Variants in NINL observed in about 807,000 individuals in gnomAD.
The protein encoded by NINL is ninein-like protein.
NINL carries 153 observed loss-of-function variants against 160.3 expected under a neutral mutation model. That is an observed-to-expected ratio of 0.95 (90% CI 0.84 to 1.09). The LOEUF (loss-of-function observed/expected upper bound fraction) is 1.09. NINL is among the 50% of genes least tolerant of loss of function. The probability of loss-of-function intolerance (pLI) is 0.00; values close to 1 mark genes in which losing one functional copy is unlikely to be tolerated. For missense variants in NINL, 1,829 were observed against 1,764.0 expected, an observed-to-expected ratio of 1.04 and a Z score of -0.66; for synonymous variants, 800 against 734.8, an observed-to-expected ratio of 1.09 and a Z score of -1.43.
chr20:25,563,096 G>A (rs1235945929), intron 1 of NINL, among the ~76,000 whole-genome samples: 5 of 152,228 alleles, frequency 3.3e-5, no homozygotes, highest in African/African-American at 9.7e-5. Flanking sequence ...AACCTGGGAG[G>A]TGGAGCTTGG....
Position 25,575,560 on chromosome 20 carries a change from G to A in NINL, c.-12+9895C>T, listed in dbSNP as rs569008401. 2.6e-5 allele frequency among the ~76,000 whole-genome samples: 4 copies of A among 151,580 alleles called. No individual in the cohort carries two copies. In the East Asian group the frequency reaches 7.7e-4, roughly 29 times the overall value. ...GAGGTCAGGAATTCGAGACCAGCTCGGCCAACATGGTGAAACCCCGTCTCT... is the reference window on the plus strand; with the variant it reads ...GAGGTCAGGAATTCGAGACCAGCTCAGCCAACATGGTGAAACCCCGTCTCT... On this transcript the variant is annotated intron_variant, in intron 1 of 23. Coordinates refer to ENST00000278886, the MANE Select transcript of NINL (RefSeq NM_025176.6).
At chr20:25,569,096 T>G (rs2065026372) in intron 1 of NINL, among the ~76,000 whole-genome samples, 2 of 151,734 alleles carry the variant, frequency 1.3e-5, no homozygotes, top group Admixed American at 1.3e-4. Flanking sequence ...GGCATGGTGA[T>G]GCATGCCTGT....
At chr20:25,549,831 A>G (rs2064785235) in intron 1 of NINL, among the ~76,000 whole-genome samples, 1 of 152,222 alleles carries the variant, frequency 6.6e-6, no homozygotes, top group Non-Finnish European at 1.5e-5. Flanking sequence ...CACACAGGAA[A>G]AGTCAAAAGT....
intron 2 of NINL, among the ~76,000 whole-genome samples, chr20:25,524,329 C>T (rs113816925): frequency 1.7e-4 from 26 of 152,300 alleles, no homozygotes; most frequent in African/African-American, 5.5e-4. Flanking sequence ...AGAGCAGAGT[C>T]GAGAGCACTA....
At chr20:25,473,444 T>A (rs191714594) in intron 17 of NINL, among the ~76,000 whole-genome samples, 3 of 149,648 alleles carry the variant, frequency 2.0e-5, no homozygotes, top group African/African-American at 7.4e-5. Context: ...AGTGAGAGAC[T>A]ATCTCTACAA....
chr20:25,480,075 T>C (rs2063354475), intron 15 of NINL, 86 bp downstream of exon 15: 1 of 922,350 alleles, frequency 1.1e-6, no homozygotes, highest in Non-Finnish European at 1.8e-6. Context: ...GGCAGACGCA[T>C]GTGGAAATGT....
intron 1 of NINL, among the ~76,000 whole-genome samples, chr20:25,579,448 C>T (rs1208072103): frequency 6.6e-6 from 1 of 152,210 alleles, no homozygotes; most frequent in Admixed American, 6.5e-5. Flanking sequence ...TTCTGGCAGC[C>T]ACAACCAGTG....
At chr20:25,464,122 C>T (rs1207020241) in intron 19 of NINL, among the ~76,000 whole-genome samples, 4 of 152,136 alleles carry the variant, frequency 2.6e-5, no homozygotes, top group African/African-American at 9.7e-5. Flanking sequence ...AACATTTAAA[C>T]TCTTCATTTG....
chr20:25,478,658 G>C (rs572905992), intron 16 of NINL, among the ~76,000 whole-genome samples: 1 of 152,280 alleles, frequency 6.6e-6, no homozygotes, highest in East Asian at 1.9e-4. Context: ...GTTGCTGCCG[G>C]GCACGGCTGA....
At chr20:25,573,935 G>C (rs1406642891) in intron 1 of NINL, among the ~76,000 whole-genome samples, 2 of 152,116 alleles carry the variant, frequency 1.3e-5, no homozygotes, top group Admixed American at 6.5e-5. Flanking sequence ...ACCTGTTCCT[G>C]GTGGTCAGGA....
At chr20:25,570,694 CTTTTTTT>C (rs57981279) in intron 1 of NINL, among the ~76,000 whole-genome samples, 1 of 91,014 alleles carries the variant, frequency 1.1e-5, no homozygotes. Context: ...GGCAAGTAGA[CTTTTTTT>C]TTTTTTTTTT....
At chr20:25,574,876 G>A (rs1160256294) in intron 1 of NINL, among the ~76,000 whole-genome samples, 6 of 152,098 alleles carry the variant, frequency 3.9e-5, no homozygotes, top group African/African-American at 1.4e-4. Context: ...AACAGAGCCA[G>A]AGAAAAATAC....
At chr20:25,555,745 G>T (rs1303268136) in intron 1 of NINL, among the ~76,000 whole-genome samples, 2 of 152,116 alleles carry the variant, frequency 1.3e-5, no homozygotes, top group African/African-American at 4.8e-5. Context: ...CACAATCTGG[G>T]CTCACTGCAA....
At chr20:25,536,987 T>C (rs903285298) in intron 1 of NINL, among the ~76,000 whole-genome samples, 3 of 152,136 alleles carry the variant, frequency 2.0e-5, no homozygotes, top group African/African-American at 4.8e-5. Flanking sequence ...TCAGGAGAAA[T>C]ATCTAAGACT....
At chr20:25,568,948 T>C (rs2065024241) in intron 1 of NINL, among the ~76,000 whole-genome samples, 1 of 150,838 alleles carries the variant, frequency 6.6e-6, no homozygotes. Flanking sequence ...TTTTTTTTCC[T>C]GCTGGGTGTG....
intron 1 of NINL, among the ~76,000 whole-genome samples, chr20:25,568,223 G>C (rs1246569909): frequency 7.5e-6 from 1 of 133,690 alleles, no homozygotes; most frequent in African/African-American, 2.6e-5. Flanking sequence ...ATTTTCATTT[G>C]TCAGATCTCA....
At chr20:25,489,847 G>A (rs772969547) in intron 12 of NINL, 28 bp downstream of exon 12, 239 of 1,604,462 alleles carry the variant, frequency 1.5e-4, no homozygotes, top group Non-Finnish European at 2.0e-4. Context: ...CTCCCCTCTG[G>A]AGGCAGACTG....
intron 4 of NINL, 107 bp downstream of exon 4, chr20:25,512,727 G>A: frequency 7.2e-7 from 1 of 1,386,578 alleles, no homozygotes; most frequent in South Asian, 1.4e-5. Context: ...CTGAGACGGT[G>A]GCTGCCCTCC....
At position 25,453,568 on chromosome 20, in the gene NINL, A is replaced by C. The variant is rs779413806; in HGVS notation, c.4032T>G (p.Leu1344=). ...CTCGCTGCTTCTCCTCGGTGGCCTG[A>C]AGTGCTCTCACCAGGTGGGCGTTCT... is the stretch of plus-strand genomic sequence containing the variant. The part of the protein sequence containing the change: ...YVENAHLVRA[L]QATEEKQRGA... Residue 1344 remains leucine, a synonymous_variant, in exon 24 of 24, where the codon CTT becomes CTG. Coordinates refer to ENST00000278886, the MANE Select transcript of NINL (RefSeq NM_025176.6). The C allele has an allele frequency of 1.2e-6, 2 of 1,614,028 alleles. No homozygotes were observed. The highest frequency in any genetic ancestry group is 2.2e-5 in the South Asian group (2 of 91,060).
Sources: gnomAD v4.1 joint callset for allele counts (sites outside exome capture counted in the v4.1 genomes callset) on GRCh38, gnomAD v4.1.1 for gene constraint, MANE v1.5 for transcripts, NCBI Gene and HGNC (gene_info 2026-07-23, HGNC 2026-07-21) for gene names.